GON4L: variants seen among roughly 807,000 people sequenced by gnomAD.
GON4L encodes the protein gon-4 like.
Under a neutral mutation model 211.8 loss-of-function variants are expected in GON4L, and 87 were observed. That is an observed-to-expected ratio of 0.41 (90% CI 0.35 to 0.49). The LOEUF (loss-of-function observed/expected upper bound fraction) is 0.49. Among genes scored for constraint, GON4L ranks in the 20% least tolerant of loss-of-function variants. The pLI is 0.15. For missense variants in GON4L, 2,155 were observed against 2,659.5 expected, an observed-to-expected ratio of 0.81 and a Z score of 4.17; for synonymous variants, 875 against 962.6, an observed-to-expected ratio of 0.91 and a Z score of 1.68.
intron 2 of GON4L, among the ~76,000 whole-genome samples, chr1:155,841,593 TA>T (rs1448512821): frequency 6.6e-6 from 1 of 152,216 alleles, no homozygotes; most frequent in African/African-American, 2.4e-5. Flanking sequence ...CCATCTGGCC[TA>T]CAATGTTTAA....
At position 155,776,251 on chromosome 1, in the gene GON4L, A is replaced by G. The variant is rs749059456; in HGVS notation, c.2178+144T>C. ...TTACGTTCTCTCAGCAAACACAGGAAGCCTTAACAGAAAGCAGGCAAAACA... is the reference window on the plus strand; with the variant it reads ...TTACGTTCTCTCAGCAAACACAGGAGGCCTTAACAGAAAGCAGGCAAAACA... On this transcript the variant is annotated intron_variant, in intron 16 of 31. Transcript: ENST00000368331. The G allele has an allele frequency of 4.7e-5, 34 of 720,142 alleles. No homozygotes were observed. In the Middle Eastern group the frequency reaches 1.4e-3, roughly 30 times the overall value. The allele number at this position is 720,142 out of a possible 1,614,324, so 44.6% of individuals were successfully genotyped here.
chr1:155,801,733 AT>A (rs1299829096), intron 11 of GON4L, among the ~76,000 whole-genome samples: 2 of 152,092 alleles, frequency 1.3e-5, no homozygotes, highest in Non-Finnish European at 2.9e-5. Flanking sequence ...AAATACAAAG[AT>A]TAGCCAGGCA....
intron 14 of GON4L, among the ~76,000 whole-genome samples, chr1:155,781,578 T>A (rs1664431145): frequency 6.6e-6 from 1 of 152,140 alleles, no homozygotes; most frequent in Non-Finnish European, 1.5e-5. Flanking sequence ...TTCTCCTGCC[T>A]CAGCCTCCTG....
chr1:155,841,460 C>G (rs1026207146), intron 2 of GON4L, among the ~76,000 whole-genome samples: 5 of 152,184 alleles, frequency 3.3e-5, no homozygotes, highest in Admixed American at 6.5e-5. Flanking sequence ...TACAATAGCT[C>G]AATGCACAGA....
At chr1:155,855,979 C>CAAAAA (rs755007254) in intron 1 of GON4L, among the ~76,000 whole-genome samples, 1 of 23,708 alleles carries the variant, frequency 4.2e-5, no homozygotes, top group African/African-American at 1.3e-4. Flanking sequence ...GAGACTCTGT[C>CAAAAA]AAAAAAAAAA....
At chr1:155,807,899 C>T (rs1667309043) in intron 10 of GON4L, among the ~76,000 whole-genome samples, 1 of 151,928 alleles carries the variant, frequency 6.6e-6, no homozygotes, top group Non-Finnish European at 1.5e-5. Context: ...TTGGGAAGCT[C>T]TCCCTAGACT....
intron 2 of GON4L, chr1:155,845,380 G>A: frequency 3.7e-6 from 1 of 273,250 alleles, no homozygotes; most frequent in South Asian, 3.8e-5. Context: ...TCATGAGGCT[G>A]GACCTGGTGG....
At position 155,765,387 on chromosome 1, in the gene GON4L, G is replaced by A. The variant is rs199559009; in HGVS notation, c.4086C>T (p.Ser1362=). Reference sequence around the variant, plus strand: ...CTTCTCCAGCACTGCTCAACTCCTCGCTTGGGGCACCAGTGTCCAATTCCA... The same window carrying A: ...CTTCTCCAGCACTGCTCAACTCCTCACTTGGGGCACCAGTGTCCAATTCCA... ...HAVELDTGAP[S]EELSSAGEVT... Residue 1362 remains serine, a synonymous_variant, in exon 21 of 32, where the codon AGC becomes AGT. Coordinates refer to ENST00000368331, the MANE Select transcript of GON4L (RefSeq NM_001282860.2). 6 of 1,613,972 alleles carry A rather than the reference G, an allele frequency of 3.7e-6. No homozygotes were observed. The highest frequency in any genetic ancestry group is 2.2e-5 in the East Asian group (1 of 44,898).
chr1:155,754,270 T>C (rs750370387), intron 28 of GON4L, 105 bp downstream of exon 28: 1 of 782,526 alleles, frequency 1.3e-6, no homozygotes, highest in Admixed American at 1.7e-5. Flanking sequence ...TACTGAATGT[T>C]ATTTATATAT....
rs146396042 is a variant in GON4L at position 155,767,263 on chromosome 1, C to T, written c.2763+162G>A. On this transcript the variant is annotated intron_variant, in intron 20 of 31. Transcript: ENST00000368331. ...ATTTTGAAAATGCTGTAGAATCACC[C>T]AGAGAAGGGCAGAAAAGTAAGGGAA... 30 of 1,510,074 alleles carry T rather than the reference C, an allele frequency of 2.0e-5. No homozygotes were observed. The East Asian group carries it at 5.0e-4, about 25-fold the overall frequency. 93.5% of individuals were successfully genotyped at this position (1,510,074 alleles called of 1,614,324 possible).
Position 155,853,767 on chromosome 1 carries a change from T to C in GON4L, c.14A>G (p.Lys5Arg). Reference protein sequence around the residue: MLPCKKRRTTVTESL... With the variant: MLPCRKRRTTVTESL... ...CTCTGTCACTGTAGTTCTTCTCTTCTTACAGGGCAACATTTTAAAAGTCCC... is the reference window on the plus strand; with the variant it reads ...CTCTGTCACTGTAGTTCTTCTCTTCCTACAGGGCAACATTTTAAAAGTCCC... Residue 5 changes from lysine (K) to arginine (R), a missense_variant, in exon 2 of 32, where the codon AAG (lysine) becomes AGG (arginine). By Grantham distance (26) the Lys-to-Arg change is conservative (BLOSUM62 2). Around this residue, in one of 6 missense-constraint regions of GON4L, gnomAD observed 313 missense variants for 293.2 expected, o/e 1.07. Transcript: ENST00000368331. The C allele has an allele frequency of 6.2e-7, 1 of 1,613,568 alleles. No homozygotes were observed.
At position 155,791,905 on chromosome 1, in the gene GON4L, AACATAACATAACATAACATC is replaced by A. The variant is rs534780758; in HGVS notation, c.1747+3125_1747+3144del. ...AACATAACATAACATAACATAACAT[AACATAACATAACATAACATC>A]ACATAACATAACATAACATAAAGAC... On this transcript the variant is annotated intron_variant, in intron 12 of 31. Coordinates refer to ENST00000368331, the MANE Select transcript of GON4L (RefSeq NM_001282860.2). Among the ~76,000 whole-genome samples the A allele has an allele frequency of 3.5e-3, 424 of 122,486 alleles. 2 individuals are homozygous for A. Among genetic ancestry groups the A allele is most frequent in the African/African-American group, 0.014 (410 of 29,076 alleles). The allele number at this position is 122,486 out of a possible 152,430, so 80.4% of individuals were successfully genotyped here.
intron 2 of GON4L, among the ~76,000 whole-genome samples, chr1:155,838,232 C>A (rs896222884): frequency 6.6e-6 from 1 of 152,092 alleles, no homozygotes; most frequent in Non-Finnish European, 1.5e-5. Flanking sequence ...TGCACTCCAG[C>A]CTGGGCAACA....
Position 155,756,976 on chromosome 1 carries a change from C to T in GON4L, c.5499G>A (p.Gly1833=), listed in dbSNP as rs1036848481. Residue 1833 remains glycine (G), a synonymous_variant, in exon 27 of 32, where the codon GGG becomes GGA. Coordinates refer to ENST00000368331, the MANE Select transcript of GON4L (RefSeq NM_001282860.2). ...AAAATACCTTATCATGATTTTGGAC[C>T]CCGATCTCTTTTTTCCTCTTGTTCT... ...ASKNKRKKEI[G]VQNHDKETEW... 6.2e-7 allele frequency: 1 copy of T among 1,612,872 alleles called. No individual in the cohort carries two copies. Among genetic ancestry groups the T allele is most frequent in the Admixed American group, 1.7e-5 (1 of 60,004 alleles).
intron 8 of GON4L, among the ~76,000 whole-genome samples, 189 bp from the exon 9 acceptor site, chr1:155,814,638 C>A (rs1333911771): frequency 6.6e-6 from 1 of 151,556 alleles, no homozygotes; most frequent in Non-Finnish European, 1.5e-5. Context: ...CCCAGCTACT[C>A]GGGAGGCTGA....
intron 2 of GON4L, among the ~76,000 whole-genome samples, chr1:155,844,920 T>C (rs1432916547): frequency 6.6e-6 from 1 of 152,206 alleles, no homozygotes; most frequent in Non-Finnish European, 1.5e-5. Context: ...ACAATTTCCA[T>C]GTGAAGATAA....
At chr1:155,852,955 A>C (rs1671945481) in intron 2 of GON4L, among the ~76,000 whole-genome samples, 1 of 152,118 alleles carries the variant, frequency 6.6e-6, no homozygotes. Flanking sequence ...TCTGGTAAAA[A>C]TACAAAATTA....
chr1:155,750,766 T>A, intron 31 of GON4L, 33 bp from the exon 32 acceptor site: 1 of 1,258,706 alleles, frequency 7.9e-7, no homozygotes, highest in East Asian at 3.1e-5. Flanking sequence ...TTCACTGGTC[T>A]TTTTTTTTTG....
chr1:155,757,836 G>A, intron 25 of GON4L, 55 bp downstream of exon 25: 1 of 187,234 alleles, frequency 5.3e-6, no homozygotes, highest in Non-Finnish European at 9.2e-6. Flanking sequence ...AAGAGACAAG[G>A]GAAAGGCCTA....
Sources: allele counts gnomAD v4.1 joint callset (sites outside exome capture counted in the v4.1 genomes callset), GRCh38; gene constraint gnomAD v4.1.1; regional missense constraint gnomAD v4.1.1; transcripts MANE v1.5; gene names NCBI Gene and HGNC (gene_info 2026-07-23, HGNC 2026-07-21).